Variants in CACNB4 observed in about 807,000 individuals in gnomAD.
CACNB4 encodes the protein calcium voltage-gated channel auxiliary subunit beta 4.
In CACNB4, 32 loss-of-function variants were observed where a neutral mutation model predicts 71.2. That is an observed-to-expected ratio of 0.45 (90% CI 0.34 to 0.60). The LOEUF is 0.60. Ranked by LOEUF, CACNB4 falls within the 20% of genes least tolerant of loss-of-function variation. The pLI is 0.01. For missense variants in CACNB4, 464 were observed against 647.9 expected, an observed-to-expected ratio of 0.72 and a Z score of 3.08; for synonymous variants, 231 against 236.9, an observed-to-expected ratio of 0.97 and a Z score of 0.23.
In CACNB4 at chr2:152,098,175, A is replaced by G. The variant is rs555316711; in HGVS notation, c.147+155T>C. Among the ~76,000 whole-genome samples the G allele has an allele frequency of 3.7e-3, 563 of 152,310 alleles. 5 individuals are homozygous for G. Among genetic ancestry groups the G allele is most frequent in the Middle Eastern group, 6.8e-3 (2 of 292 alleles). On this transcript the variant is annotated intron_variant, in intron 2 of 13. Transcript: ENST00000539935. The surrounding 1 kb of genome is among the most constrained non-coding windows in gnomAD (Gnocchi z 5.3). ...GACGTCAAGAGCCCAGGCTAGAGGG[A>G]GAGGGACTGAGCCCGAGCACCGGCC...
Position 151,973,731 on chromosome 2 carries a change from G to A in CACNB4, c.148-90361C>T. ...TCATACATGGAGGTGTGATAATCCA[G>A]AGCACCTCTTTCAAGGCAAAAACAA... On this transcript the variant is annotated intron_variant, in intron 2 of 13. Transcript: ENST00000539935. The A allele has an allele frequency of 1.9e-6, 3 of 1,612,204 alleles. No individual in the cohort carries two copies. The East Asian group carries it at 6.7e-5, about 36-fold the overall frequency.
intron 2 of CACNB4, among the ~76,000 whole-genome samples, chr2:152,028,371 G>A (rs746636806): frequency 1.3e-5 from 2 of 152,152 alleles, no homozygotes; most frequent in African/African-American, 2.4e-5. Flanking sequence ...ATTTACATGT[G>A]CCCCGAATGA....
rs2099844223 is a variant in CACNB4 at position 151,870,127 on chromosome 2, C to T, written c.699+404G>A. 3 of 618,008 alleles carry T rather than the reference C, an allele frequency of 4.9e-6. No individual in the cohort carries two copies. The Admixed American group carries it at 8.0e-5, about 16-fold the overall frequency. The allele number at this position is 618,008 out of a possible 1,614,324, so 38.3% of individuals were successfully genotyped here. On this transcript the variant is annotated intron_variant, in intron 8 of 13. Coordinates refer to ENST00000539935, the MANE Select transcript of CACNB4 (RefSeq NM_000726.5). The stretch of plus-strand genomic sequence containing the variant: ...TCTTAAAAACCCAGCAGGGTGAACT[C>T]TGTTTGGGCTTTAAAGGTTTGGGTT...
intron 2 of CACNB4, among the ~76,000 whole-genome samples, chr2:151,915,082 G>A (rs1037666410): frequency 5.3e-5 from 8 of 152,178 alleles, no homozygotes; most frequent in Admixed American, 2.6e-4. Flanking sequence ...AAGAGGAGAG[G>A]CTAAGTTTGC....
chr2:151,990,182 A>G (rs1579083007), intron 2 of CACNB4, among the ~76,000 whole-genome samples: 2 of 152,356 alleles, frequency 1.3e-5, no homozygotes, highest in East Asian at 3.9e-4. Flanking sequence ...GGAAAAAATT[A>G]CAAGCCACTT....
intron 2 of CACNB4, among the ~76,000 whole-genome samples, chr2:152,089,784 A>AT (rs1367914599): frequency 1.3e-5 from 2 of 151,172 alleles, no homozygotes; most frequent in Non-Finnish European, 3.0e-5. Context: ...GTAAAAAAAA[A>AT]GAAAAAAAAA....
chr2:151,911,645 G>A (rs2099856197), intron 2 of CACNB4, among the ~76,000 whole-genome samples: 2 of 151,838 alleles, frequency 1.3e-5, no homozygotes, highest in African/African-American at 4.8e-5. Context: ...TCTTTTTTTT[G>A]TTATACCTCT....
At chr2:151,973,475 A>G (rs539984104) in intron 2 of CACNB4, 1 of 590,672 alleles carries the variant, frequency 1.7e-6, no homozygotes, top group African/African-American at 1.9e-5. Context: ...TTTTTGCTTG[A>G]CAATAAATAA....
At chr2:151,919,567 C>T (rs1011805401) in intron 2 of CACNB4, among the ~76,000 whole-genome samples, 1 of 152,168 alleles carries the variant, frequency 6.6e-6, no homozygotes, top group Non-Finnish European at 1.5e-5. Flanking sequence ...AGGGGGCACT[C>T]CCCCTCAGGG....
chr2:152,039,116 T>C (rs149608623), intron 2 of CACNB4, among the ~76,000 whole-genome samples: 126 of 152,272 alleles, frequency 8.3e-4, no homozygotes, highest in African/African-American at 2.9e-3. Flanking sequence ...CTGAGGTCTC[T>C]ACTTAAGAAT....
intron 2 of CACNB4, among the ~76,000 whole-genome samples, chr2:151,941,171 G>A (rs1224192527): frequency 2.0e-5 from 3 of 151,954 alleles, no homozygotes; most frequent in Admixed American, 6.6e-5. Flanking sequence ...GGAACCATCA[G>A]GTAATTGTTA....
chr2:151,873,702 G>C (rs2099845193), intron 5 of CACNB4: 1 of 152,060 alleles, frequency 6.6e-6, no homozygotes. Context: ...AAAGGTTCCA[G>C]TAAGAAAAAA....
chr2:151,930,596 G>T (rs1373700930), intron 2 of CACNB4, among the ~76,000 whole-genome samples: 3 of 152,086 alleles, frequency 2.0e-5, no homozygotes, highest in African/African-American at 7.2e-5. Context: ...TAGGGGATTG[G>T]TGAAACAAAT....
At chr2:152,003,273 T>C (rs1682530706) in intron 2 of CACNB4, among the ~76,000 whole-genome samples, 1 of 151,936 alleles carries the variant, frequency 6.6e-6, no homozygotes, top group South Asian at 2.1e-4. Context: ...TGAAACCCTG[T>C]CTCTATTAAA....
intron 8 of CACNB4, chr2:151,870,257 T>C (rs779679132): frequency 1.4e-6 from 1 of 703,048 alleles, no homozygotes; most frequent in Non-Finnish European, 2.6e-6. Flanking sequence ...TTGCATTTAA[T>C]GTACAGCAAA....
chr2:151,973,433 C>T, intron 2 of CACNB4: 1 of 553,882 alleles, frequency 1.8e-6, no homozygotes. Context: ...ACAGCCTACA[C>T]TCTTGAATGC....
At chr2:152,075,645 C>T (rs985630734) in intron 2 of CACNB4, among the ~76,000 whole-genome samples, 4 of 152,186 alleles carry the variant, frequency 2.6e-5, no homozygotes, top group Admixed American at 2.6e-4. Context: ...GTCTGGTCAG[C>T]TGAGCCATAC....
intron 2 of CACNB4, among the ~76,000 whole-genome samples, chr2:151,957,679 T>C (rs1321220684): frequency 3.3e-5 from 5 of 152,124 alleles, no homozygotes; most frequent in Non-Finnish European, 7.3e-5. Flanking sequence ...TTGCCAAAAA[T>C]ATGAATCCTA....
chr2:151,941,673 A>G (rs930189008), intron 2 of CACNB4, among the ~76,000 whole-genome samples: 9 of 152,340 alleles, frequency 5.9e-5, no homozygotes, highest in Admixed American at 4.6e-4. Context: ...GATCAAGATG[A>G]TAAGACTTAC....
Sources: gnomAD v4.1 joint callset for allele counts (sites outside exome capture counted in the v4.1 genomes callset) on GRCh38, gnomAD v4.1.1 for gene constraint, Gnocchi (gnomAD v3.1) non-coding constraint, MANE v1.5 for transcripts, NCBI Gene and HGNC (gene_info 2026-07-23, HGNC 2026-07-21) for gene names.